The following MYO15B variants were observed in gnomAD, a reference collection of about 807,000 sequenced individuals.
The protein encoded by MYO15B is myosin XVB pseudogene.
MYO15B carries 207 observed loss-of-function variants against 119.3 expected under a neutral mutation model. The ratio of observed to expected loss-of-function variants is 1.73; its 90% CI spans 1.55 to 1.95. The LOEUF (loss-of-function observed/expected upper bound fraction) is 1.95, where lower values mean the gene tolerates loss of function less well. Among genes scored for constraint, MYO15B ranks in the 30% most tolerant of loss-of-function variants. MYO15B has a pLI of 0.00. For synonymous variants in MYO15B, 966 were observed against 498.9 expected, an observed-to-expected ratio of 1.94 and a Z score of -12.48; for missense variants, 2,264 against 1,203.1, an observed-to-expected ratio of 1.88 and a Z score of -13.04.
intron 14 of MYO15B, among the ~76,000 whole-genome samples, chr17:75,598,422 C>G (rs2057014223): frequency 6.7e-6 from 1 of 148,674 alleles, no homozygotes; most frequent in South Asian, 2.1e-4. Context: ...ACTAAAAATA[C>G]AAAAAATTAG....
chr17:75,619,311 C>T (rs766247868), intron 44 of MYO15B, 47 bp from the exon 45 acceptor site: 1 of 702,248 alleles, frequency 1.4e-6, no homozygotes, highest in South Asian at 1.5e-5. Context: ...AACTCTAGAG[C>T]CCCCTCTGTG....
rs1295552732 is a variant in MYO15B, at chr17:75,614,257, C to T, written c.5278C>T (p.Gln1760Ter). Residue 1760 changes from glutamine to a stop codon, truncating the protein, a stop_gained, in exon 30 of 64, where the codon CAG becomes TAG. Transcript: ENST00000645453. LOFTEE classifies it high-confidence loss of function. ...GTCACTGCACTCCAGGGACGCATGG[C>T]AGGACTTGGCTGGCTGCGACTTTGT... 3 of 702,706 alleles carry T rather than the reference C, an allele frequency of 4.3e-6. No individual in the cohort carries two copies. Among genetic ancestry groups the T allele is most frequent in the East Asian group, 2.7e-5 (1 of 37,294 alleles). The allele number at this position is 702,706 out of a possible 1,614,324, so 43.5% of individuals were successfully genotyped here.
rs759262799 is a variant in MYO15B, at chr17:75,620,021, G to GT, written c.7443+2dup. 2.0e-5 allele frequency: 14 copies of GT among 699,706 alleles called. No individual in the cohort carries two copies. The highest frequency in any genetic ancestry group is 1.3e-4 in the South Asian group (9 of 67,046). 43.3% of individuals were successfully genotyped at this position (699,706 alleles called of 1,614,324 possible). ...GCTATTCCTGAATGAGCTTAAGAAG[G>GT]TAAGTGTGGGGCACGGGTTGAGAGG... On this transcript the variant is annotated splice_donor_variant, in intron 47 of 63. Coordinates refer to ENST00000645453, the Ensembl canonical transcript of MYO15B. LOFTEE classifies it high-confidence loss of function.
At chr17:75,599,767 T>C (rs12941364) in intron 14 of MYO15B, among the ~76,000 whole-genome samples, 116,297 of 150,082 alleles carry the variant, frequency 0.77, 45,131 homozygotes, top group Admixed American at 0.83. Flanking sequence ...TGGTGGCGGG[T>C]GCCTGTAGTC....
At chr17:75,619,045 A>G (rs1206751132) in intron 43 of MYO15B, 98 bp from the exon 44 acceptor site, 1 of 683,924 alleles carries the variant, frequency 1.5e-6, no homozygotes, top group East Asian at 2.7e-5. Flanking sequence ...GGCGCCCTCC[A>G]TCGGCCTCCT....
At chr17:75,624,585 A>G in exon 58 of MYO15B, 1 of 703,022 alleles carries the variant, frequency 1.4e-6, no homozygotes, top group Non-Finnish European at 2.6e-6. Flanking sequence ...GCAAATGGGT[A>G]TCACGGAGCC....
intron 14 of MYO15B, 59 bp from the exon 15 acceptor site, chr17:75,601,379 G>A (rs987306952): frequency 1.2e-5 from 8 of 691,822 alleles, no homozygotes; most frequent in African/African-American, 3.5e-5. Context: ...GGGAGAGGGC[G>A]CCATCCAGAA....
intron 8 of MYO15B, 64 bp downstream of exon 8, chr17:75,592,605 C>T: frequency 1.6e-6 from 1 of 638,128 alleles, no homozygotes; most frequent in South Asian, 1.7e-5. Context: ...GCCCGGAGGT[C>T]TGAGGAGTAG....
rs542246481 is a variant in MYO15B at position 75,624,386 on chromosome 17, G to A, written c.8384G>A (p.Arg2795His). 733 of 702,506 alleles carry A rather than the reference G, an allele frequency of 1.0e-3. 18 individuals carry two copies. The Admixed American group carries it at 0.014, about 14-fold the overall frequency. 43.5% of individuals were successfully genotyped at this position (702,506 alleles called of 1,614,324 possible). A position where few individuals can be genotyped will look rare whatever the true frequency, so the allele number is the denominator to read the frequency against. The change falls in exon 57 of 64, where the codon CGC (arginine) becomes CAC (histidine). Residue 2795 changes from arginine (R) to histidine (H), a missense_variant. Transcript: ENST00000645453. ...CCTTGGCAGAAAGGACAAGCGATTC[G>A]CCTGCTTCTTATTCACCTGCCGGGG...
intron 31 of MYO15B, 24 bp from the exon 32 acceptor site, chr17:75,614,749 T>C (rs748738432): frequency 1.4e-6 from 1 of 702,612 alleles, no homozygotes; most frequent in South Asian, 1.5e-5. Context: ...GGGCCATGGC[T>C]CCAACCCTCT....
exon 16 of MYO15B, chr17:75,602,582 G>C (rs1315548676): frequency 3.0e-6 from 2 of 677,718 alleles, no homozygotes; most frequent in Admixed American, 4.2e-5. Flanking sequence ...TGCTTGGCCA[G>C]AGCCAGCTCC....
chr17:75,592,827 TCTC>T (rs1368970366), exon 9 of MYO15B: 27 of 701,982 alleles, frequency 3.8e-5, no homozygotes, highest in Non-Finnish European at 4.7e-5. Flanking sequence ...AACATCTGCT[TCTC>T]CTCCTCAGAG....
At chr17:75,590,511 G>A (rs1210239979) in intron 1 of MYO15B, 115 bp from the exon 2 acceptor site, 2 of 370,220 alleles carry the variant, frequency 5.4e-6, no homozygotes, top group Admixed American at 9.2e-5. Flanking sequence ...CCATTTTATG[G>A]ATCAGGCTCT....
In MYO15B at chr17:75,607,600, A is replaced by ACCACCCG. The variant is rs572701760; in HGVS notation, c.4292+1585_4292+1591dup. On this transcript the variant is annotated intron_variant, in intron 21 of 63. Coordinates refer to ENST00000645453, the Ensembl canonical transcript of MYO15B. Reference sequence around the variant, plus strand: ...TGAGTAACTGGGATTACAGGCACCCACCACCCGCCACCACGCCCGGCTAAT... The same window carrying ACCACCCG: ...TGAGTAACTGGGATTACAGGCACCCACCACCCGCCACCCGCCACCACGCCCGGCTAAT... Among the ~76,000 whole-genome samples, 761 of 151,660 alleles carry ACCACCCG rather than the reference A, an allele frequency of 5.0e-3. 5 individuals are homozygous for ACCACCCG. The Middle Eastern group carries it at 0.062, about 12-fold the overall frequency.
At chr17:75,600,510 C>G (rs1408471724) in intron 14 of MYO15B, 1 of 151,654 alleles carries the variant, frequency 6.6e-6, no homozygotes, top group Non-Finnish European at 1.5e-5. Flanking sequence ...TGCAGTGACA[C>G]CATCATAGCT....
At chr17:75,619,433 G>A (rs768890319) in exon 45 of MYO15B, 72 of 702,644 alleles carry the variant, frequency 1.0e-4, no homozygotes, top group Middle Eastern at 4.6e-4. Flanking sequence ...GTGGCCGCTC[G>A]GGACAACTGG....
intron 53 of MYO15B, 139 bp downstream of exon 53, chr17:75,622,219 G>A: frequency 1.6e-6 from 1 of 626,878 alleles, no homozygotes. Context: ...AGGGGGGTGT[G>A]GCTGTGAAGC....
At chr17:75,598,882 T>C (rs1277537655) in intron 14 of MYO15B, among the ~76,000 whole-genome samples, 12 of 152,142 alleles carry the variant, frequency 7.9e-5, no homozygotes, top group Non-Finnish European at 1.3e-4. Flanking sequence ...CAATATCACT[T>C]AGGTCTATGT....
intron 21 of MYO15B, among the ~76,000 whole-genome samples, chr17:75,608,020 T>G (rs1213274876): frequency 1.3e-5 from 2 of 152,192 alleles, no homozygotes; most frequent in Non-Finnish European, 2.9e-5. Context: ...ATGGCTTTGA[T>G]GTGCATTTCT....
Sources: gnomAD v4.1 joint callset for allele counts (sites outside exome capture counted in the v4.1 genomes callset) on GRCh38, gnomAD v4.1.1 for gene constraint, MANE v1.5 for transcripts, NCBI Gene and HGNC (gene_info 2026-07-23, HGNC 2026-07-21) for gene names.